LRP1B: variants seen among roughly 807,000 people sequenced by gnomAD.
The protein encoded by LRP1B is low-density lipoprotein receptor-related protein 1B.
In LRP1B, 217 loss-of-function variants were observed where a neutral mutation model predicts 556.6. That is an observed-to-expected ratio of 0.39 (90% confidence interval 0.35 to 0.44). The LOEUF is 0.44. Ranked by LOEUF, LRP1B falls within the 20% of genes least tolerant of loss-of-function variation. LRP1B has a pLI of 1.00. For synonymous variants in LRP1B, 2,047 were observed against 1,865.8 expected (o/e 1.10, Z -2.50); for missense variants, 5,053 against 5,620.8 (o/e 0.90, Z 3.23).
intron 2 of LRP1B, among the ~76,000 whole-genome samples, chr2:141,695,560 G>T (rs1411352739): frequency 6.6e-6 from 1 of 151,894 alleles, no homozygotes; most frequent in East Asian, 1.9e-4. Context: ...TCATGCTCTT[G>T]ATATGTGATA....
chr2:140,826,796 C>T (rs142372206), intron 31 of LRP1B, among the ~76,000 whole-genome samples: 94 of 152,248 alleles, frequency 6.2e-4, no homozygotes, highest in African/African-American at 1.9e-3. Flanking sequence ...AGGGAGAAAA[C>T]CCCTGAGGGC....
chr2:141,424,246 T>A (rs1174408295), intron 3 of LRP1B, among the ~76,000 whole-genome samples: 1 of 152,012 alleles, frequency 6.6e-6, no homozygotes. Flanking sequence ...CCAGAGTAGC[T>A]GGGATTACAG....
intron 18 of LRP1B, among the ~76,000 whole-genome samples, chr2:140,960,221 C>A (rs139879746): frequency 2.0e-5 from 3 of 151,620 alleles, no homozygotes; most frequent in Non-Finnish European, 3.0e-5. Flanking sequence ...GAAAGAGAAG[C>A]AAATGACACT....
At chr2:140,412,511 G>A (rs925551705) in intron 66 of LRP1B, among the ~76,000 whole-genome samples, 1 of 152,040 alleles carries the variant, frequency 6.6e-6, no homozygotes, top group African/African-American at 2.4e-5. Flanking sequence ...CTAATTCTAA[G>A]TAAGCGTGAG....
intron 7 of LRP1B, among the ~76,000 whole-genome samples, chr2:141,174,503 T>C (rs986782212): frequency 2.6e-5 from 4 of 152,096 alleles, no homozygotes; most frequent in African/African-American, 9.7e-5. Flanking sequence ...CTGATGACAC[T>C]TTCCCCGTTT....
chr2:141,137,924 C>T (rs1207405004), intron 7 of LRP1B, among the ~76,000 whole-genome samples: 6 of 151,162 alleles, frequency 4.0e-5, no homozygotes, highest in Non-Finnish European at 7.4e-5. Context: ...AAGGAAAGTA[C>T]TTCCAACTTA....
intron 3 of LRP1B, among the ~76,000 whole-genome samples, chr2:141,347,846 A>C (rs887673477): frequency 1.3e-5 from 2 of 152,080 alleles, no homozygotes; most frequent in Non-Finnish European, 2.9e-5. Flanking sequence ...TTAAAAACTA[A>C]AGTCATGAGA....
intron 35 of LRP1B, among the ~76,000 whole-genome samples, chr2:140,753,331 G>T (rs1688645724): frequency 6.6e-6 from 1 of 152,116 alleles, no homozygotes; most frequent in African/African-American, 2.4e-5. Context: ...AATCCTGTCT[G>T]ACTTCAGTAC....
At chr2:140,903,781 C>T (rs575279553) in intron 22 of LRP1B, among the ~76,000 whole-genome samples, 245 of 147,010 alleles carry the variant, frequency 1.7e-3, no homozygotes, top group African/African-American at 5.5e-3. Flanking sequence ...CATTCAATGA[C>T]GCCATGGAAA....
At chr2:140,365,683 A>T (rs1236208994) in intron 71 of LRP1B, among the ~76,000 whole-genome samples, 1 of 151,648 alleles carries the variant, frequency 6.6e-6, no homozygotes, top group East Asian at 1.9e-4. Flanking sequence ...GTACCTGGGG[A>T]AACAACATAG....
At chr2:140,671,437 C>T (rs1185956614) in intron 41 of LRP1B, among the ~76,000 whole-genome samples, 3 of 152,250 alleles carry the variant, frequency 2.0e-5, no homozygotes, top group Non-Finnish European at 2.9e-5. Context: ...AGGAGAATGT[C>T]GTGAATCCGA....
At chr2:141,964,358 C>T (rs1247889333) in intron 1 of LRP1B, among the ~76,000 whole-genome samples, 2 of 147,392 alleles carry the variant, frequency 1.4e-5, no homozygotes, top group African/African-American at 2.5e-5. Context: ...TACAAGGCTA[C>T]AGTAACCAAA....
intron 41 of LRP1B, among the ~76,000 whole-genome samples, chr2:140,663,358 T>G (rs1255926207): frequency 6.6e-6 from 1 of 152,176 alleles, no homozygotes; most frequent in Non-Finnish European, 1.5e-5. Context: ...CATGCCAAGA[T>G]CCACACATAT....
chr2:140,857,620 C>A (rs1401706882), intron 27 of LRP1B, among the ~76,000 whole-genome samples: 1 of 152,040 alleles, frequency 6.6e-6, no homozygotes, highest in East Asian at 1.9e-4. Flanking sequence ...TATGAGGGAG[C>A]AATGTTCCTC....
intron 20 of LRP1B, among the ~76,000 whole-genome samples, chr2:140,938,606 G>A (rs1295687037): frequency 6.6e-6 from 1 of 152,054 alleles, no homozygotes; most frequent in African/African-American, 2.4e-5. Context: ...TGCAGAGACA[G>A]GTGACTGGAT....
At chr2:141,016,180 C>T (rs534620909) in intron 12 of LRP1B, among the ~76,000 whole-genome samples, 12 of 152,122 alleles carry the variant, frequency 7.9e-5, no homozygotes, top group Admixed American at 7.9e-4. Flanking sequence ...CATTAATGAA[C>T]CTGACAGTAA....
intron 2 of LRP1B, among the ~76,000 whole-genome samples, chr2:141,787,749 TA>T (rs888615576): frequency 4.2e-4 from 63 of 148,494 alleles, no homozygotes; most frequent in African/African-American, 1.3e-3. Context: ...ATTAACTTCT[TA>T]AAAAAAAAAC....
rs1253533658 is a variant in LRP1B, at chr2:140,532,884, CAAA to C, written c.7762+1134_7762+1136del. 6.9e-5 allele frequency among the ~76,000 whole-genome samples: 7 copies of C among 100,746 alleles called. No homozygotes were observed. In the South Asian group the frequency reaches 2.6e-3, roughly 38 times the overall value. 66.1% of individuals were successfully genotyped at this position (100,746 alleles called of 152,430 possible). ...TTGAGGATACTTGCAAGCCAAAAAA[CAAA>C]AAAGACATATGGGTGTTCTTACGTG... On this transcript the variant is annotated intron_variant, in intron 47 of 90. Transcript: ENST00000389484.
At chr2:140,657,472 G>T (rs1684920604) in intron 41 of LRP1B, among the ~76,000 whole-genome samples, 1 of 151,038 alleles carries the variant, frequency 6.6e-6, no homozygotes, top group Non-Finnish European at 1.5e-5. Flanking sequence ...ACAAATATGG[G>T]TGAACTATAG....
Sources: allele counts gnomAD v4.1 joint callset (sites outside exome capture counted in the v4.1 genomes callset), GRCh38; gene constraint gnomAD v4.1.1; transcripts MANE v1.5; gene names NCBI Gene and HGNC (gene_info 2026-07-23, HGNC 2026-07-21).